SLC22A23: variants seen among roughly 807,000 people sequenced by gnomAD.
The protein encoded by SLC22A23 is solute carrier family 22 member 23.
SLC22A23 carries 26 observed loss-of-function variants against 61.0 expected under a neutral mutation model. That is an observed-to-expected ratio of 0.43 (90% CI 0.31 to 0.59). The LOEUF is 0.59. Among genes scored for constraint, SLC22A23 ranks in the 20% least tolerant of loss-of-function variants. SLC22A23 has a pLI of 0.11. For synonymous variants in SLC22A23, 430 were observed against 413.9 expected, an observed-to-expected ratio of 1.04 and a Z score of -0.47; for missense variants, 796 against 934.7, an observed-to-expected ratio of 0.85 and a Z score of 1.94.
intron 3 of SLC22A23, among the ~76,000 whole-genome samples, chr6:3,407,402 T>C (rs1285051437): frequency 6.6e-6 from 1 of 152,210 alleles, no homozygotes; most frequent in Admixed American, 6.5e-5. Context: ...GCCTCTGCCT[T>C]CTCCTAAGAC....
chr6:3,450,581 A>G (rs1339194283), intron 1 of SLC22A23, among the ~76,000 whole-genome samples: 1 of 152,266 alleles, frequency 6.6e-6, no homozygotes. Context: ...CTGGCATTAC[A>G]GGCGTGAGCC....
rs764201537 is a variant in SLC22A23 at position 3,269,774 on chromosome 6, C to T, written c.*3281G>A. On this transcript the variant is annotated 3_prime_UTR_variant, in exon 10 of 10. Transcript: ENST00000406686. ...ACGAGAGGACAGCTGTAGTGTGGAC[C>T]TCCCCCGCACATGCGATACCTCGGG... The T allele has an allele frequency of 6.5e-6, 1 of 152,854 alleles. No individual in the cohort carries two copies. The highest frequency in any genetic ancestry group is 1.5e-5 in the Non-Finnish European group (1 of 68,064). 9.5% of individuals were successfully genotyped at this position (152,854 alleles called of 1,614,324 possible).
At chr6:3,445,689 G>A (rs923713443) in intron 1 of SLC22A23, among the ~76,000 whole-genome samples, 1 of 152,216 alleles carries the variant, frequency 6.6e-6, no homozygotes, top group Admixed American at 6.5e-5. Context: ...TGAGGGATGA[G>A]CAGGAACCAA....
rs145765303 is a variant in SLC22A23, at chr6:3,444,185, C to T, written c.654+11721G>A. 8.5e-5 allele frequency among the ~76,000 whole-genome samples: 13 copies of T among 152,332 alleles called. 1 individual carries two copies. The East Asian group carries it at 2.5e-3, about 29-fold the overall frequency. ...GGAATCCACTTCATGCACTCAACAG[C>T]CCCTGCCCTTTCCCAGACAAATAGG... On this transcript the variant is annotated intron_variant, in intron 1 of 9. Coordinates refer to ENST00000406686, the MANE Select transcript of SLC22A23 (RefSeq NM_015482.2).
rs537130680 is a variant in SLC22A23, at chr6:3,444,387, T to C, written c.654+11519A>G. On this transcript the variant is annotated intron_variant, in intron 1 of 9. Coordinates refer to ENST00000406686, the MANE Select transcript of SLC22A23 (RefSeq NM_015482.2). ...CAAGTGGGAAGGGGCCCCAGCCCTT[T>C]CTCCAGTTTTCAACTTGCCCCTACG... Among the ~76,000 whole-genome samples the C allele has an allele frequency of 3.3e-5, 5 of 152,360 alleles. No individual in the cohort carries two copies. The East Asian group carries it at 7.7e-4, about 23-fold the overall frequency.
rs192807684 is a variant in SLC22A23 at position 3,324,855 on chromosome 6, T to C, written c.914-853A>G. Among the ~76,000 whole-genome samples the C allele has an allele frequency of 2.0e-5, 3 of 152,350 alleles. No individual in the cohort carries two copies. The East Asian group carries it at 5.8e-4, about 29-fold the overall frequency. On this transcript the variant is annotated intron_variant, in intron 3 of 9. Transcript: ENST00000406686. The surrounding 1 kb of genome is among the most constrained non-coding windows in gnomAD (Gnocchi z 4.3). ...ATTTGCAAGAATCTATTCTTTTACT[T>C]TGACCTTGAGTCAAAAAGATGATCA...
At chr6:3,423,371 G>A (rs976713706) in intron 1 of SLC22A23, among the ~76,000 whole-genome samples, 15 of 152,092 alleles carry the variant, frequency 9.9e-5, no homozygotes, top group South Asian at 4.2e-4. Context: ...ATTATTGAAC[G>A]TTCTTATTCG....
chr6:3,345,454 C>A (rs1177265745), intron 3 of SLC22A23, among the ~76,000 whole-genome samples: 1 of 151,572 alleles, frequency 6.6e-6, no homozygotes, highest in Non-Finnish European at 1.5e-5. Flanking sequence ...CAGCCTCCGC[C>A]TCCTGGGTTC....
At chr6:3,441,594 C>G (rs540938774) in intron 1 of SLC22A23, among the ~76,000 whole-genome samples, 1 of 152,274 alleles carries the variant, frequency 6.6e-6, no homozygotes, top group Non-Finnish European at 1.5e-5. Flanking sequence ...GCCCCCTGGG[C>G]TTCCCTGCCC....
intron 2 of SLC22A23, among the ~76,000 whole-genome samples, chr6:3,412,851 C>A (rs565726096): frequency 2.6e-5 from 4 of 152,204 alleles, no homozygotes; most frequent in African/African-American, 9.6e-5. Flanking sequence ...GAGGATGGGG[C>A]CATGAGCCAT....
In SLC22A23 at chr6:3,427,148, G is replaced by C. The variant is rs9503586; in HGVS notation, c.655-11293C>G. ...ATCAGGGCAAGCTTTTTCACCGTGTGGGGGCTCAGTTTTAACATCTATGAC... is the reference window on the plus strand; with the variant it reads ...ATCAGGGCAAGCTTTTTCACCGTGTCGGGGCTCAGTTTTAACATCTATGAC... On this transcript the variant is annotated intron_variant, in intron 1 of 9. Coordinates refer to ENST00000406686, the MANE Select transcript of SLC22A23 (RefSeq NM_015482.2). This position sits in a 1 kb window ranked among gnomAD's most constrained non-coding sequence, Gnocchi z 4.3. 0.52 allele frequency among the ~76,000 whole-genome samples: 78,774 copies of C among 152,000 alleles called. 20,848 individuals are homozygous for C. The highest frequency in any genetic ancestry group is 0.74 in the South Asian group (3,578 of 4,820).
At chr6:3,448,026 C>G (rs1054075409) in intron 1 of SLC22A23, among the ~76,000 whole-genome samples, 7 of 151,756 alleles carry the variant, frequency 4.6e-5, no homozygotes, top group Admixed American at 4.6e-4. Flanking sequence ...CCTCAGCCTC[C>G]TGAGTAGCTG....
chr6:3,297,038 C>T lies in SLC22A23; in HGVS notation c.1210+1053G>A, dbSNP rs1047659204. Among the ~76,000 whole-genome samples the T allele has an allele frequency of 2.0e-5, 3 of 152,228 alleles. No individual in the cohort carries two copies. The highest frequency in any genetic ancestry group is 1.9e-4 in the East Asian group (1 of 5,200). On this transcript the variant is annotated intron_variant, in intron 5 of 9. Transcript: ENST00000406686. The surrounding 1 kb of genome is among the most constrained non-coding windows in gnomAD (Gnocchi z 4.3). ...CACTCTGACTGTAGTCCCTCCCTGC[C>T]ACCCTCTATCCCACAGCCCTGCTGT...
intron 1 of SLC22A23, among the ~76,000 whole-genome samples, chr6:3,452,972 T>C (rs1474447427): frequency 5.3e-5 from 8 of 152,138 alleles, no homozygotes; most frequent in East Asian, 1.9e-4. Flanking sequence ...TTGGTGATCA[T>C]GGTCTGGAAG....
rs573422140 is a variant in SLC22A23 at position 3,304,024 on chromosome 6, C to G, written c.1083-5806G>C. Among the ~76,000 whole-genome samples the G allele has an allele frequency of 6.6e-6, 1 of 152,364 alleles. No homozygotes were observed. The highest frequency in any genetic ancestry group is 1.9e-4 in the East Asian group (1 of 5,188). On this transcript the variant is annotated intron_variant, in intron 4 of 9. Coordinates refer to ENST00000406686, the MANE Select transcript of SLC22A23 (RefSeq NM_015482.2). This position sits in a 1 kb window ranked among gnomAD's most constrained non-coding sequence, Gnocchi z 4.3. ...CCCTGCATTATGCATACCAGGCAGA[C>G]ATTGGTGCTACTGGAATTCCATCAG... is the stretch of plus-strand genomic sequence containing the variant.
chr6:3,388,038 G>A (rs2127482927), intron 3 of SLC22A23, among the ~76,000 whole-genome samples: 1 of 152,254 alleles, frequency 6.6e-6, no homozygotes, highest in Non-Finnish European at 1.5e-5. Flanking sequence ...CCGGATGCAG[G>A]CTACAACCAA....
At chr6:3,382,258 A>C (rs1009183741) in intron 3 of SLC22A23, among the ~76,000 whole-genome samples, 1 of 152,258 alleles carries the variant, frequency 6.6e-6, no homozygotes. Context: ...AGAAAGTGTC[A>C]GATGAAGGAC....
At chr6:3,426,580 A>G (rs535138724) in intron 1 of SLC22A23, among the ~76,000 whole-genome samples, 29 of 152,328 alleles carry the variant, frequency 1.9e-4, no homozygotes, top group African/African-American at 6.7e-4. Context: ...TATGAATCAG[A>G]GTACCTGAGA....
rs901664895 is a variant in SLC22A23, at chr6:3,328,821, G to A, written c.914-4819C>T. ...CTCTTCTCTGGTTGAACTCTGAGGC[G>A]GAGGTCAGGAGGTCCTGCCCATCAC... On this transcript the variant is annotated intron_variant, in intron 3 of 9. Coordinates refer to ENST00000406686, the MANE Select transcript of SLC22A23 (RefSeq NM_015482.2). The surrounding 1 kb of genome is among the most constrained non-coding windows in gnomAD (Gnocchi z 5.0). 4.6e-5 allele frequency among the ~76,000 whole-genome samples: 7 copies of A among 152,044 alleles called. No homozygotes were observed. Among genetic ancestry groups the A allele is most frequent in the East Asian group, 1.9e-4 (1 of 5,198 alleles).
Sources: gnomAD v4.1 joint callset for allele counts (sites outside exome capture counted in the v4.1 genomes callset) on GRCh38, gnomAD v4.1.1 for gene constraint, Gnocchi (gnomAD v3.1) non-coding constraint, MANE v1.5 for transcripts, NCBI Gene and HGNC (gene_info 2026-07-23, HGNC 2026-07-21) for gene names.